Variants in CDC42BPB observed in about 807,000 individuals in gnomAD.
CDC42BPB encodes serine/threonine-protein kinase MRCK beta.
In CDC42BPB, 37 loss-of-function variants were observed where a neutral mutation model predicts 214.9. The observed-to-expected ratio is 0.17, with a 90% confidence interval of 0.13 to 0.23. The LOEUF is 0.23. Among genes scored for constraint, CDC42BPB ranks in the 10% least tolerant of loss-of-function variants. The probability of loss-of-function intolerance (pLI) is 1.00; values close to 1 mark genes in which losing one functional copy is unlikely to be tolerated. For missense variants in CDC42BPB, 1,694 were observed against 2,227.0 expected, an observed-to-expected ratio of 0.76 and a Z score of 4.82; for synonymous variants, 931 against 884.0, an observed-to-expected ratio of 1.05 and a Z score of -0.94.
At chr14:102,973,970 C>G (rs1456187412) in intron 12 of CDC42BPB, 46 bp downstream of exon 12, 1 of 1,563,730 alleles carries the variant, frequency 6.4e-7, no homozygotes, top group East Asian at 2.3e-5. Context: ...TTACAGAATT[C>G]TGCAAAGTCC....
rs1349091864 is a variant in CDC42BPB, at chr14:102,954,644, T to C, written c.2946A>G (p.Glu982=). The stretch of plus-strand genomic sequence containing the variant: ...CAGCCACAGACATCGACGGGGACGC[T>C]TCTGGCTTCGGAGCTTGTGTTTCTT... ...SEQETQAPKP[E]ASPSMSVAAS... Residue 982 remains glutamate, a synonymous_variant, in exon 22 of 37, where the codon GAA becomes GAG. Transcript: ENST00000361246. 6.2e-7 allele frequency: 1 copy of C among 1,614,064 alleles called. No individual in the cohort carries two copies. The highest frequency in any genetic ancestry group is 8.5e-7 in the Non-Finnish European group (1 of 1,179,974).
chr14:102,943,035 AT>A lies in CDC42BPB; in HGVS notation c.4408+855del, dbSNP rs953530752. 7.9e-5 allele frequency among the ~76,000 whole-genome samples: 12 copies of A among 151,500 alleles called. No homozygotes were observed. The highest frequency in any genetic ancestry group is 1.9e-4 in the East Asian group (1 of 5,154). ...AGGCGCCCGCCACCACGCCCGGCTA[AT>A]TTTTTTTTGTATTTTTAGTAGAGAT... On this transcript the variant is annotated intron_variant, in intron 30 of 36. Transcript: ENST00000361246. This position sits in a 1 kb window ranked among gnomAD's most constrained non-coding sequence, Gnocchi z 4.6.
rs1450850499 is a variant in CDC42BPB at position 102,952,574 on chromosome 14, G to A, written c.3096C>T (p.Ser1032=). ...GGCTGCACTGAGTAGGGCTGGAGAAGGACTTGATGCTGAACTGGTGAGCTT... is the reference window on the plus strand; with the variant it reads ...GGCTGCACTGAGTAGGGCTGGAGAAAGACTTGATGCTGAACTGGTGAGCTT... ...KPKAHQFSIK[S]FSSPTQCSHC... is the part of the protein sequence containing the mutation. Residue 1032 remains serine (S), a synonymous_variant, in exon 24 of 37, where the codon TCC becomes TCT. Transcript: ENST00000361246. 1 of 1,613,906 alleles carries A rather than the reference G, an allele frequency of 6.2e-7. No homozygotes were observed. Among genetic ancestry groups the A allele is most frequent in the African/African-American group, 1.3e-5 (1 of 74,930 alleles).
intron 30 of CDC42BPB, among the ~76,000 whole-genome samples, chr14:102,942,458 G>A (rs1389603857): frequency 4.6e-5 from 7 of 152,306 alleles, no homozygotes; most frequent in East Asian, 3.9e-4. Context: ...CCATATGCGC[G>A]GCTCGTCTTC....
chr14:103,005,582 C>T (rs755500865), intron 3 of CDC42BPB, among the ~76,000 whole-genome samples: 8 of 151,974 alleles, frequency 5.3e-5, no homozygotes, highest in Non-Finnish European at 1.0e-4. Context: ...TGGTGTCACC[C>T]GTCTGCAGTC....
chr14:102,986,653 T>A (rs1002764695), intron 5 of CDC42BPB, 73 bp from the exon 6 acceptor site: 16 of 1,562,566 alleles, frequency 1.0e-5, no homozygotes, highest in Non-Finnish European at 1.4e-5. Context: ...CCTTAACTAG[T>A]GGTGATCAGA....
At chr14:103,056,724 T>C (rs1215009330) in intron 1 of CDC42BPB, among the ~76,000 whole-genome samples, 2 of 112,764 alleles carry the variant, frequency 1.8e-5, no homozygotes, top group Admixed American at 1.8e-4. Context: ...AGGGGCAGGA[T>C]GAGGGGGCGG....
At chr14:102,935,506 T>C (rs947415738) in intron 36 of CDC42BPB, among the ~76,000 whole-genome samples, 6 of 152,106 alleles carry the variant, frequency 3.9e-5, no homozygotes, top group Non-Finnish European at 7.4e-5. Flanking sequence ...ATGGCTGTAC[T>C]AGGCCGGGTA....
chr14:102,979,360 C>T (rs533600321), intron 8 of CDC42BPB, among the ~76,000 whole-genome samples: 27 of 152,064 alleles, frequency 1.8e-4, no homozygotes, highest in Non-Finnish European at 3.5e-4. Context: ...TACAGGCACC[C>T]GCTATCATGC....
intron 21 of CDC42BPB, 25 bp from the exon 22 acceptor site, chr14:102,954,713 T>A (rs756619769): frequency 6.2e-7 from 1 of 1,605,402 alleles, no homozygotes; most frequent in Non-Finnish European, 8.5e-7. Context: ...AAAGAAAGAG[T>A]GGGGTGAAAG....
At chr14:102,995,900 C>T (rs1894707920) in intron 5 of CDC42BPB, among the ~76,000 whole-genome samples, 1 of 152,182 alleles carries the variant, frequency 6.6e-6, no homozygotes, top group Non-Finnish European at 1.5e-5. Flanking sequence ...GACAGGCCTC[C>T]TAGAAAAATC....
At chr14:103,023,767 T>C (rs192443271) in intron 1 of CDC42BPB, among the ~76,000 whole-genome samples, 46 of 152,312 alleles carry the variant, frequency 3.0e-4, no homozygotes, top group Non-Finnish European at 5.9e-4. Flanking sequence ...TGGTATTATA[T>C]TAAATATATA....
intron 9 of CDC42BPB, 148 bp from the exon 10 acceptor site, chr14:102,976,197 G>T: frequency 6.9e-7 from 1 of 1,442,076 alleles, no homozygotes; most frequent in African/African-American, 1.4e-5. Context: ...TGGAACCAAA[G>T]TTAGACAAGT....
At position 103,035,819 on chromosome 14, in the gene CDC42BPB, G is replaced by A. The variant is rs376224647; in HGVS notation, c.175+21180C>T. Among the ~76,000 whole-genome samples the A allele has an allele frequency of 5.9e-4, 90 of 151,758 alleles. 1 individual carries two copies. The Middle Eastern group carries it at 0.017, about 29-fold the overall frequency. On this transcript the variant is annotated intron_variant, in intron 1 of 36. Transcript: ENST00000361246. The stretch of plus-strand genomic sequence containing the variant: ...CACGCCACTGCATTCCAGCCTGGGT[G>A]ACAGAGCAAGACTCTGTCTCAAAAA...
chr14:103,057,045 G>T lies in CDC42BPB; in HGVS notation c.129C>A (p.His43Gln). The T allele has an allele frequency of 1.3e-6, 2 of 1,519,552 alleles. No individual in the cohort carries two copies. The allele number at this position is 1,519,552 out of a possible 1,614,324, so 94.1% of individuals were successfully genotyped here. A position where few individuals can be genotyped will look rare whatever the true frequency, so the allele number is the denominator to read the frequency against. Residue 43 changes from histidine to glutamine, a missense_variant, in exon 1 of 37, where the codon CAC (histidine) becomes CAA (glutamine). Coordinates refer to ENST00000361246, the MANE Select transcript of CDC42BPB (RefSeq NM_006035.4). ...VLVCLYTECS[H>Q]SALRRDKYVA... ...CGTACTTGTCGCGGCGCAGGGCCGA[G>T]TGGCTGCACTCGGTGTACAGGCAGA...
intron 21 of CDC42BPB, among the ~76,000 whole-genome samples, chr14:102,957,399 C>T (rs897628178): frequency 5.0e-4 from 76 of 152,210 alleles, no homozygotes; most frequent in African/African-American, 1.7e-3. Flanking sequence ...GTTAATGTTA[C>T]AGAAAGCTAC....
At chr14:103,041,374 C>T (rs141871173) in intron 1 of CDC42BPB, 6 of 516,446 alleles carry the variant, frequency 1.2e-5, no homozygotes, top group Admixed American at 1.0e-4. Context: ...ACTTTGTGAC[C>T]TTGCACTGCC....
chr14:103,002,972 A>C (rs1895059147), intron 4 of CDC42BPB, among the ~76,000 whole-genome samples: 1 of 152,172 alleles, frequency 6.6e-6, no homozygotes, highest in African/African-American at 2.4e-5. Flanking sequence ...GGTGAATGGA[A>C]GGATCCCACA....
At chr14:102,957,573 T>A (rs1175374684) in intron 21 of CDC42BPB, among the ~76,000 whole-genome samples, 1 of 152,230 alleles carries the variant, frequency 6.6e-6, no homozygotes, top group South Asian at 2.1e-4. Flanking sequence ...ACCGGTTAAA[T>A]AGATTTGCTT....
Sources: allele counts gnomAD v4.1 joint callset (sites outside exome capture counted in the v4.1 genomes callset), GRCh38; gene constraint gnomAD v4.1.1; non-coding constraint Gnocchi (gnomAD v3.1); transcripts MANE v1.5; gene names NCBI Gene and HGNC (gene_info 2026-07-23, HGNC 2026-07-21).